The following STPG2 variants were observed in gnomAD, a reference collection of about 807,000 sequenced individuals.
STPG2 encodes the protein sperm-tail PG-rich repeat-containing protein 2.
In STPG2, 56 loss-of-function variants were observed where a neutral mutation model predicts 54.2. That is an observed-to-expected ratio of 1.03 (90% CI 0.83 to 1.29). The LOEUF (loss-of-function observed/expected upper bound fraction) is 1.29, where lower values mean the gene tolerates loss of function less well. Ranked by LOEUF, STPG2 falls within the 50% of genes most tolerant of loss-of-function variation. The probability of loss-of-function intolerance (pLI) is 0.00; values close to 1 mark genes in which losing one functional copy is unlikely to be tolerated. For missense variants in STPG2, 596 were observed against 544.9 expected (o/e 1.09, Z -0.93); for synonymous variants, 200 against 181.8 (o/e 1.10, Z -0.81).
At chr4:98,026,207 C>T (rs564255511) in intron 5 of STPG2, 274 of 1,185,218 alleles carry the variant, frequency 2.3e-4, no homozygotes, top group South Asian at 7.0e-4. Context: ...GAAGAAAGAT[C>T]GGGTAGCTCA....
At chr4:97,756,221 A>G (rs1285456740) in intron 9 of STPG2, among the ~76,000 whole-genome samples, 1 of 152,194 alleles carries the variant, frequency 6.6e-6, no homozygotes, top group African/African-American at 2.4e-5. Context: ...TTTGTTGTTG[A>G]GAAACCATTA....
At chr4:97,860,998 A>G (rs1340866889) in intron 8 of STPG2, among the ~76,000 whole-genome samples, 1 of 152,164 alleles carries the variant, frequency 6.6e-6, no homozygotes, top group Non-Finnish European at 1.5e-5. Flanking sequence ...GACAAATAGG[A>G]TCACATCAAG....
At chr4:98,051,203 TA>T (rs1737310520) in intron 5 of STPG2, among the ~76,000 whole-genome samples, 2 of 152,132 alleles carry the variant, frequency 1.3e-5, no homozygotes, top group African/African-American at 4.8e-5. Context: ...CTGCCAAAGT[TA>T]AAATTAATTC....
intron 10 of STPG2, among the ~76,000 whole-genome samples, chr4:97,619,748 C>T (rs1411381137): frequency 6.6e-6 from 1 of 151,882 alleles, no homozygotes; most frequent in Non-Finnish European, 1.5e-5. Context: ...TCTCTCTTGC[C>T]CTTCCTAAGT....
intron 10 of STPG2, among the ~76,000 whole-genome samples, chr4:97,624,229 T>C (rs1221833049): frequency 1.3e-5 from 2 of 152,212 alleles, no homozygotes; most frequent in Non-Finnish European, 2.9e-5. Context: ...TCTTCTACAA[T>C]GGTTGAACTA....
intron 10 of STPG2, among the ~76,000 whole-genome samples, chr4:97,710,317 G>A (rs1377255172): frequency 6.6e-6 from 1 of 151,942 alleles, no homozygotes; most frequent in Non-Finnish European, 1.5e-5. Flanking sequence ...AAAATGGAGA[G>A]AGAACTAAAT....
chr4:97,523,691 A>G (rs1327655083), intron 4 of STPG2, among the ~76,000 whole-genome samples: 3 of 152,022 alleles, frequency 2.0e-5, no homozygotes, highest in East Asian at 1.9e-4. Context: ...CCTTAGCATC[A>G]GAAGGAAAAA....
At chr4:97,505,452 A>G (rs1730823775) in intron 4 of STPG2, among the ~76,000 whole-genome samples, 1 of 151,934 alleles carries the variant, frequency 6.6e-6, no homozygotes, top group African/African-American at 2.4e-5. Context: ...ATTAATAGAG[A>G]GAAAAGAGAA....
chr4:98,053,499 T>A (rs1378472117), intron 5 of STPG2, among the ~76,000 whole-genome samples: 1 of 151,422 alleles, frequency 6.6e-6, no homozygotes, highest in Non-Finnish European at 1.5e-5. Context: ...ATAAAACCTT[T>A]AAGAATCAAT....
chr4:97,487,341 G>A (rs1032377687), intron 4 of STPG2, among the ~76,000 whole-genome samples: 1 of 151,284 alleles, frequency 6.6e-6, no homozygotes, highest in African/African-American at 2.4e-5. Context: ...ATAGTAAAGA[G>A]GAGATGAAAA....
chr4:97,831,179 G>T (rs1728445973), intron 9 of STPG2, among the ~76,000 whole-genome samples: 1 of 152,160 alleles, frequency 6.6e-6, no homozygotes, highest in Non-Finnish European at 1.5e-5. Flanking sequence ...CAGTCTCTCA[G>T]ACCACAGTGC....
intron 9 of STPG2, among the ~76,000 whole-genome samples, chr4:97,801,662 C>A (rs1215684791): frequency 6.6e-6 from 1 of 151,964 alleles, no homozygotes; most frequent in Non-Finnish European, 1.5e-5. Flanking sequence ...CTCTTTTTTT[C>A]TTTCTTCTTC....
chr4:97,601,073 A>G (rs1272559121), intron 10 of STPG2, among the ~76,000 whole-genome samples: 1 of 152,084 alleles, frequency 6.6e-6, no homozygotes, highest in African/African-American at 2.4e-5. Context: ...GATGAGATGA[A>G]GACAAAATTG....
chr4:97,547,219 T>A (rs1731852838), intron 4 of STPG2, among the ~76,000 whole-genome samples: 1 of 151,864 alleles, frequency 6.6e-6, no homozygotes, highest in Admixed American at 6.6e-5. Flanking sequence ...AAACTTTTTT[T>A]TTTTTTTTTG....
At position 97,882,186 on chromosome 4, in the gene STPG2, G is replaced by A. The variant is rs182696407; in HGVS notation, c.1045-41254C>T. Among the ~76,000 whole-genome samples, 523 of 152,248 alleles carry A rather than the reference G, an allele frequency of 3.4e-3. 3 individuals carry two copies. The highest frequency in any genetic ancestry group is 0.012 in the African/African-American group (495 of 41,548). On this transcript the variant is annotated intron_variant, in intron 8 of 10. Coordinates refer to ENST00000295268, the MANE Select transcript of STPG2 (RefSeq NM_174952.3). ...CTAGTGTAAGAATATGGAATGCCGG[G>A]GAACTGAAGATACAAAGAGAATTAG...
At chr4:97,991,966 T>G (rs1735034153) in intron 5 of STPG2, among the ~76,000 whole-genome samples, 1 of 152,150 alleles carries the variant, frequency 6.6e-6, no homozygotes, top group South Asian at 2.1e-4. Flanking sequence ...TCTTTCTTGC[T>G]GATTAGAGTT....
chr4:97,664,764 C>T (rs1722471249), intron 10 of STPG2, among the ~76,000 whole-genome samples: 1 of 152,142 alleles, frequency 6.6e-6, no homozygotes, highest in Non-Finnish European at 1.5e-5. Context: ...CTTCACCAGC[C>T]AGAAACCTCT....
chr4:97,792,535 T>C (rs1311872634), intron 9 of STPG2, among the ~76,000 whole-genome samples: 1 of 152,202 alleles, frequency 6.6e-6, no homozygotes, highest in Non-Finnish European at 1.5e-5. Context: ...GCTTCTACTG[T>C]TGATCACCTC....
intron 3 of STPG2, among the ~76,000 whole-genome samples, chr4:98,109,778 C>A: frequency 6.6e-6 from 1 of 152,112 alleles, no homozygotes; most frequent in African/African-American, 2.4e-5. Flanking sequence ...GTTAGAAATA[C>A]TTAACAATAA....
Sources: allele counts gnomAD v4.1 joint callset (sites outside exome capture counted in the v4.1 genomes callset), GRCh38; gene constraint gnomAD v4.1.1; transcripts MANE v1.5; gene names NCBI Gene and HGNC (gene_info 2026-07-23, HGNC 2026-07-21).